The following MRPL45 variants were observed in gnomAD, a reference collection of about 807,000 sequenced individuals.
MRPL45 encodes the protein large ribosomal subunit protein mL45.
MRPL45 carries 20 observed loss-of-function variants against 38.1 expected under a neutral mutation model. The observed-to-expected ratio is 0.53, with a 90% CI of 0.37 to 0.76. The LOEUF is 0.76. Among genes scored for constraint, MRPL45 ranks in the 30% least tolerant of loss-of-function variants. The probability of loss-of-function intolerance (pLI) is 0.00; values close to 1 mark genes in which losing one functional copy is unlikely to be tolerated. For missense variants in MRPL45, 337 were observed against 395.6 expected, an observed-to-expected ratio of 0.85 and a Z score of 1.26; for synonymous variants, 105 against 128.8, an observed-to-expected ratio of 0.82 and a Z score of 1.25.
In MRPL45 at chr17:38,322,531, A is replaced by C. The variant is rs1433948262; in HGVS notation, c.857A>C (p.Gln286Pro). Residue 286 changes from glutamine to proline, a missense_variant, in exon 8 of 8, where the codon CAG becomes CCG. Physicochemically the swap from Gln to Pro is moderately conservative, Grantham distance 76. Around this residue, in one of 3 missense-constraint regions of MRPL45, gnomAD observed 251 missense variants for 269.1 expected, o/e 0.93. Transcript: ENST00000613675. ...ILKTVMIPGP[Q>P]LKPEEEYEEA... ...CAGACGGTGATGATCCCTGGCCCTC[A>C]GCTGAAACCAGAAGAAGAATATGAA... 1.2e-6 allele frequency: 2 copies of C among 1,613,616 alleles called. No individual in the cohort carries two copies. The highest frequency in any genetic ancestry group is 2.2e-5 in the South Asian group (2 of 90,982).
At position 38,322,594 on chromosome 17, in the gene MRPL45, G is replaced by A; in HGVS notation, c.920G>A (p.Ter307=). ...QGEAQKPQLA[*] ...GAGGCCCAGAAGCCTCAGCTAGCCT[G>A]ATGACAAAAATGACTTCTAGGGTGA... Residue 307 remains the stop codon, a stop_retained_variant, in exon 8 of 8, where the codon TGA becomes TAA. Transcript: ENST00000613675. 1 of 1,611,898 alleles carries A rather than the reference G, an allele frequency of 6.2e-7. No individual in the cohort carries two copies. Among genetic ancestry groups the A allele is most frequent in the Non-Finnish European group, 8.5e-7 (1 of 1,179,204 alleles).
intron 4 of MRPL45, among the ~76,000 whole-genome samples, chr17:38,318,037 A>T (rs1000033474): frequency 2.6e-5 from 4 of 151,676 alleles, no homozygotes; most frequent in African/African-American, 9.7e-5. Context: ...GTGAAACCCC[A>T]TCTCTACTAA....
chr17:38,315,895 C>T (rs147763880), intron 4 of MRPL45, among the ~76,000 whole-genome samples: 2,732 of 152,106 alleles, frequency 0.018, 71 homozygotes, highest in African/African-American at 0.063. Flanking sequence ...GCCTCAGTCT[C>T]CCAAGTAGCT....
chr17:38,299,652 G>A (rs2036972512), intron 3 of MRPL45, among the ~76,000 whole-genome samples, 184 bp downstream of exon 3: 1 of 151,160 alleles, frequency 6.6e-6, no homozygotes, highest in Non-Finnish European at 1.5e-5. Context: ...CTGATTCTCA[G>A]CATCCCTGCC....
chr17:38,301,944 C>T (rs945012670), intron 3 of MRPL45, among the ~76,000 whole-genome samples: 3 of 151,588 alleles, frequency 2.0e-5, no homozygotes, highest in South Asian at 2.1e-4. Context: ...AGGGAAACCC[C>T]GTCTCTACTA....
intron 4 of MRPL45, among the ~76,000 whole-genome samples, chr17:38,306,866 C>T (rs1215641944): frequency 6.6e-6 from 1 of 152,170 alleles, no homozygotes; most frequent in East Asian, 1.9e-4. Flanking sequence ...GTTCCACCTG[C>T]AAGTGTTGGG....
chr17:38,313,732 G>A (rs9905771), intron 4 of MRPL45, among the ~76,000 whole-genome samples: 2 of 150,236 alleles, frequency 1.3e-5, no homozygotes, highest in African/African-American at 2.5e-5. Flanking sequence ...GCACGATCTC[G>A]GCTCATAGCA....
chr17:38,305,767 G>A (rs1242378354), intron 3 of MRPL45, among the ~76,000 whole-genome samples: 2 of 151,288 alleles, frequency 1.3e-5, no homozygotes, highest in Admixed American at 6.6e-5. Context: ...CTCAGCCTCC[G>A]GAGTAGCTGG....
chr17:38,298,744 A>G (rs569876477), intron 2 of MRPL45, 118 bp downstream of exon 2: 328 of 1,467,480 alleles, frequency 2.2e-4, no homozygotes, highest in Non-Finnish European at 2.7e-4. Flanking sequence ...TTCAACCTCA[A>G]TAATGATTAA....
chr17:38,320,182 G>C (rs866105598), intron 5 of MRPL45, among the ~76,000 whole-genome samples: 14 of 152,154 alleles, frequency 9.2e-5, no homozygotes, highest in African/African-American at 3.1e-4. Flanking sequence ...CCCAGTCCTA[G>C]CAGTTTAGCC....
intron 4 of MRPL45, among the ~76,000 whole-genome samples, chr17:38,310,334 G>GTT (rs1183417154): frequency 1.5e-5 from 2 of 137,514 alleles, no homozygotes; most frequent in African/African-American, 2.6e-5. Context: ...TTTTGTTTTT[G>GTT]TTTTTTTTTT....
Position 38,308,438 on chromosome 17 carries a change from T to G in MRPL45, c.461+1807T>G, listed in dbSNP as rs546820207. Among the ~76,000 whole-genome samples the G allele has an allele frequency of 9.3e-3, 1,393 of 150,458 alleles. 18 individuals are homozygous for G. Among genetic ancestry groups the G allele is most frequent in the African/African-American group, 0.029 (1,178 of 40,778 alleles). The stretch of plus-strand genomic sequence containing the variant: ...TTATTTCTCAAAACATTGTTTTTTT[T>G]TTTGTTTGTTTGTTTGTTTTGAGAT... On this transcript the variant is annotated intron_variant, in intron 4 of 7. Coordinates refer to ENST00000613675, the MANE Select transcript of MRPL45 (RefSeq NM_032351.6).
intron 4 of MRPL45, among the ~76,000 whole-genome samples, chr17:38,315,951 T>G (rs2037168998): frequency 1.3e-5 from 2 of 151,982 alleles, no homozygotes; most frequent in Admixed American, 1.3e-4. Flanking sequence ...TTTTTGTATT[T>G]TTTAGTAAAG....
intron 4 of MRPL45, among the ~76,000 whole-genome samples, chr17:38,316,177 A>C (rs1407573869): frequency 6.6e-6 from 1 of 151,616 alleles, no homozygotes; most frequent in Non-Finnish European, 1.5e-5. Context: ...CAGGTCCCTC[A>C]AGGTTTTGTT....
intron 4 of MRPL45, among the ~76,000 whole-genome samples, chr17:38,312,305 G>A (rs1289291008): frequency 6.6e-6 from 1 of 152,010 alleles, no homozygotes; most frequent in African/African-American, 2.4e-5. Flanking sequence ...CTCGGCCTCC[G>A]TAAGTGCGGG....
In MRPL45 at chr17:38,322,595, A is replaced by G. The variant is rs200734868; in HGVS notation, c.921A>G (p.Ter307TrpextTer1). The G allele has an allele frequency of 6.2e-7, 1 of 1,610,760 alleles. No individual in the cohort carries two copies. Among genetic ancestry groups the G allele is most frequent in the Non-Finnish European group, 8.5e-7 (1 of 1,178,270 alleles). The change falls in exon 8 of 8, where the codon TGA (stop) becomes TGG (tryptophan). Residue 307 changes from the stop codon to tryptophan, a stop_lost. Coordinates refer to ENST00000613675, the MANE Select transcript of MRPL45 (RefSeq NM_032351.6). ...AGGCCCAGAAGCCTCAGCTAGCCTG[A>G]TGACAAAAATGACTTCTAGGGTGAA... ...QGEAQKPQLA[*>W]
intron 4 of MRPL45, among the ~76,000 whole-genome samples, chr17:38,314,778 C>T (rs1359390980): frequency 5.3e-5 from 8 of 152,158 alleles, no homozygotes; most frequent in East Asian, 1.9e-4. Context: ...ATGATCCACC[C>T]GCCTTGACCT....
chr17:38,314,413 T>C (rs1442189263), intron 4 of MRPL45, among the ~76,000 whole-genome samples: 1 of 152,210 alleles, frequency 6.6e-6, no homozygotes, highest in Non-Finnish European at 1.5e-5. Context: ...GTCTTTTCAC[T>C]CTTGATAGTA....
At chr17:38,301,351 C>T (rs534356654) in intron 3 of MRPL45, among the ~76,000 whole-genome samples, 394 of 152,260 alleles carry the variant, frequency 2.6e-3, no homozygotes, top group Non-Finnish European at 4.1e-3. Context: ...AAGCGATTCT[C>T]CTGCCTCAGC....
Sources: gnomAD v4.1 joint callset for allele counts (sites outside exome capture counted in the v4.1 genomes callset) on GRCh38, gnomAD v4.1.1 for gene constraint, gnomAD v4.1.1 regional missense constraint, MANE v1.5 for transcripts, NCBI Gene and HGNC (gene_info 2026-07-23, HGNC 2026-07-21) for gene names.